Variants in SNX25 observed in about 807,000 individuals in gnomAD.
The protein encoded by SNX25 is sorting nexin-25.
SNX25 carries 62 observed loss-of-function variants against 113.7 expected under a neutral mutation model. The observed-to-expected ratio is 0.55, with a 90% CI of 0.44 to 0.67. The LOEUF (loss-of-function observed/expected upper bound fraction) is 0.67. SNX25 is among the 30% of genes least tolerant of loss of function. The probability of loss-of-function intolerance (pLI) is 0.00; values close to 1 mark genes in which losing one functional copy is unlikely to be tolerated. For synonymous variants in SNX25, 421 were observed against 436.2 expected, an observed-to-expected ratio of 0.97 and a Z score of 0.43; for missense variants, 1,014 against 1,161.0, an observed-to-expected ratio of 0.87 and a Z score of 1.84.
At chr4:185,298,016 T>C (rs1305662821) in intron 6 of SNX25, among the ~76,000 whole-genome samples, 1 of 152,124 alleles carries the variant, frequency 6.6e-6, no homozygotes, top group Admixed American at 6.6e-5. Context: ...ACCACCTACA[T>C]GTAGCTTAAC....
intron 5 of SNX25, among the ~76,000 whole-genome samples, chr4:185,285,855 C>T (rs1751271634): frequency 2.0e-5 from 3 of 151,806 alleles, no homozygotes. Context: ...TCACTGCAAC[C>T]TCAACCACCC....
At chr4:185,299,084 T>C (rs1351923736) in intron 6 of SNX25, among the ~76,000 whole-genome samples, 1 of 152,146 alleles carries the variant, frequency 6.6e-6, no homozygotes, top group Non-Finnish European at 1.5e-5. Context: ...CACAGATGTG[T>C]GGGGTGGTCA....
chr4:185,315,554 A>G (rs1003108741), intron 7 of SNX25, among the ~76,000 whole-genome samples: 1 of 152,134 alleles, frequency 6.6e-6, no homozygotes, highest in African/African-American at 2.4e-5. Context: ...TCTGTCTCCC[A>G]AAGTGCTGGG....
chr4:185,220,771 C>T (rs996827919), intron 1 of SNX25, among the ~76,000 whole-genome samples: 6 of 152,126 alleles, frequency 3.9e-5, no homozygotes, highest in African/African-American at 1.2e-4. Context: ...TGAGCCACTG[C>T]GCCCGGCCTA....
intron 1 of SNX25, among the ~76,000 whole-genome samples, chr4:185,226,222 C>A (rs1740978561): frequency 6.6e-6 from 1 of 152,164 alleles, no homozygotes; most frequent in Non-Finnish European, 1.5e-5. Context: ...GCGGTGGTGC[C>A]TTTTGGATTC....
At chr4:185,231,025 T>G (rs1332502647) in intron 1 of SNX25, among the ~76,000 whole-genome samples, 2 of 152,076 alleles carry the variant, frequency 1.3e-5, no homozygotes, top group Non-Finnish European at 2.9e-5. Context: ...GCTGCATTGC[T>G]CAGTCCTCTC....
chr4:185,215,357 A>T (rs72706075), intron 1 of SNX25, among the ~76,000 whole-genome samples: 3 of 152,196 alleles, frequency 2.0e-5, no homozygotes, highest in Non-Finnish European at 4.4e-5. Flanking sequence ...TTAGACCCAC[A>T]GGGAGGACTG....
At chr4:185,375,103 A>G (rs1016926661), downstream of SNX25, among the ~76,000 whole-genome samples, 4 of 151,858 alleles carry the variant, frequency 2.6e-5, no homozygotes, top group African/African-American at 9.7e-5. Flanking sequence ...ATATTGGACA[A>G]TCAAATATAT....
At chr4:185,213,676 CCA>C (rs1431386603) in intron 1 of SNX25, among the ~76,000 whole-genome samples, 2 of 152,130 alleles carry the variant, frequency 1.3e-5, no homozygotes, top group African/African-American at 4.8e-5. Context: ...GATTTACTAG[CCA>C]CAGTTACTTG....
chr4:185,238,291 C>A (rs7675903), intron 1 of SNX25, among the ~76,000 whole-genome samples: 57,114 of 151,708 alleles, frequency 0.38, 13,059 homozygotes, highest in East Asian at 0.61. Flanking sequence ...GCCCGCCTGC[C>A]ATGGGAGCCT....
rs1316598948 is a variant in SNX25, at chr4:185,310,781, G to C, written c.1309G>C (p.Ala437Pro). The part of the protein sequence containing the change: ...GPAYDQQEDG[A>P]LDEGEGPQSQ... The stretch of plus-strand genomic sequence containing the variant: ...TGCCTATGACCAGCAAGAGGATGGG[G>C]CCCTGGATGAGGGGGAAGGGCCTCA... Residue 437 changes from alanine (A) to proline (P), a missense_variant, in exon 7 of 19, where the codon GCC (alanine) becomes CCC (proline). Physicochemically the swap from Ala to Pro is conservative, Grantham distance 27. Coordinates refer to ENST00000652585, the MANE Select transcript of SNX25 (RefSeq NM_001378034.2). 2 of 1,613,140 alleles carry C rather than the reference G, an allele frequency of 1.2e-6. No individual in the cohort carries two copies. Among genetic ancestry groups the C allele is most frequent in the Middle Eastern group, 1.7e-4 (1 of 6,034 alleles).
chr4:185,296,745 A>C (rs1192550446), intron 6 of SNX25, among the ~76,000 whole-genome samples: 7 of 152,208 alleles, frequency 4.6e-5, no homozygotes, highest in Non-Finnish European at 1.0e-4. Flanking sequence ...CAAGTACGAA[A>C]CAGTTTGAAA....
At chr4:185,243,676 C>T (rs1579446958) in intron 1 of SNX25, among the ~76,000 whole-genome samples, 2 of 152,064 alleles carry the variant, frequency 1.3e-5, no homozygotes, top group Admixed American at 1.3e-4. Context: ...TCCCCTAGCT[C>T]TTAGAGAAAC....
At chr4:185,276,284 C>T (rs1749665939) in intron 5 of SNX25, among the ~76,000 whole-genome samples, 1 of 152,132 alleles carries the variant, frequency 6.6e-6, no homozygotes, top group African/African-American at 2.4e-5. Flanking sequence ...CTATTAGCCA[C>T]CACTGTAGTT....
At chr4:185,247,228 A>G in intron 1 of SNX25, 66 bp from the exon 2 acceptor site, 2 of 932,806 alleles carry the variant, frequency 2.1e-6, no homozygotes, top group Non-Finnish European at 1.6e-6. Flanking sequence ...CATACCTTTG[A>G]TTTTTTTTTT....
At chr4:185,375,559 C>A in the SNX25 span, 1 of 581,420 alleles carries the variant, frequency 1.7e-6, no homozygotes, top group Non-Finnish European at 2.6e-6. Context: ...TAATTGTGTC[C>A]AATAATCCAC....
intron 1 of SNX25, among the ~76,000 whole-genome samples, chr4:185,216,879 C>T (rs1195619448): frequency 6.6e-6 from 1 of 152,092 alleles, no homozygotes; most frequent in Non-Finnish European, 1.5e-5. Context: ...ATGTGTTCTT[C>T]TAAGTTTTAA....
At chr4:185,352,518 C>G (rs2095320970) in intron 14 of SNX25, among the ~76,000 whole-genome samples, 1 of 152,238 alleles carries the variant, frequency 6.6e-6, no homozygotes, top group African/African-American at 2.4e-5. Flanking sequence ...TCCGTCTGTA[C>G]TTGGCTGCTT....
chr4:185,338,289 T>TTG, intron 10 of SNX25, among the ~76,000 whole-genome samples: 1 of 151,662 alleles, frequency 6.6e-6, no homozygotes, highest in East Asian at 1.9e-4. Context: ...TTTTTTTTTT[T>TTG]TTTTGAGACG....
Sources: gnomAD v4.1 joint callset for allele counts (sites outside exome capture counted in the v4.1 genomes callset) on GRCh38, gnomAD v4.1.1 for gene constraint, MANE v1.5 for transcripts, NCBI Gene and HGNC (gene_info 2026-07-23, HGNC 2026-07-21) for gene names.